Variants in OPRM1 observed in about 807,000 individuals in gnomAD.
OPRM1 encodes the protein opioid receptor mu 1.
A neutral mutation model predicts 31.8 loss-of-function variants in OPRM1; 27 were observed. The observed-to-expected ratio is 0.85, with a 90% confidence interval of 0.63 to 1.17. The LOEUF (loss-of-function observed/expected upper bound fraction) is 1.17, where lower values mean the gene tolerates loss of function less well. Ranked by LOEUF, OPRM1 falls within the 50% of genes most tolerant of loss-of-function variation. The pLI is 0.00. For synonymous variants in OPRM1, 196 were observed against 189.9 expected, an observed-to-expected ratio of 1.03 and a Z score of -0.26; for missense variants, 536 against 511.1, an observed-to-expected ratio of 1.05 and a Z score of -0.47.
In OPRM1 at chr6:154,124,473, A is replaced by G. The variant is rs1797472862; in HGVS notation, c.*5752A>G. ...AATCACAGAAGAAGTTGTTTTCCAT[A>G]GGTGTGGGGTGGGATGTTAGAGCTC... On this transcript the variant is annotated 3_prime_UTR_variant, in exon 4 of 4. Coordinates refer to ENST00000330432, the MANE Select transcript of OPRM1 (RefSeq NM_000914.5). Among the ~76,000 whole-genome samples the G allele has an allele frequency of 1.3e-5, 2 of 152,172 alleles. No individual in the cohort carries two copies. The highest frequency in any genetic ancestry group is 2.9e-5 in the Non-Finnish European group (2 of 68,028).
chr6:154,065,000 G>A (rs1785090984), intron 1 of OPRM1, among the ~76,000 whole-genome samples: 1 of 152,046 alleles, frequency 6.6e-6, no homozygotes. Context: ...ATGAATTTCA[G>A]GATGAATTTG....
intron 1 of OPRM1, among the ~76,000 whole-genome samples, chr6:154,071,389 C>T (rs1786684153): frequency 6.6e-6 from 1 of 152,318 alleles, no homozygotes; most frequent in Admixed American, 6.5e-5. Context: ...CCTAAGTGGC[C>T]TGTACCCATC....
At position 154,118,841 on chromosome 6, in the gene OPRM1, C is replaced by A; in HGVS notation, c.*120C>A. 2 of 1,522,562 alleles carry A rather than the reference C, an allele frequency of 1.3e-6. No homozygotes were observed. Among genetic ancestry groups the A allele is most frequent in the South Asian group, 1.3e-5 (1 of 77,120 alleles). 94.3% of individuals were successfully genotyped at this position (1,522,562 alleles called of 1,614,324 possible). On this transcript the variant is annotated 3_prime_UTR_variant, in exon 4 of 4. Coordinates refer to ENST00000330432, the MANE Select transcript of OPRM1 (RefSeq NM_000914.5). Reference sequence around the variant, plus strand: ...TCTAGGAAAGTGCCTGCTTTTAGGTCATCCAACCTCTTTCCTCTCTGGCCA... The same window carrying A: ...TCTAGGAAAGTGCCTGCTTTTAGGTAATCCAACCTCTTTCCTCTCTGGCCA...
At chr6:154,094,430 A>T (rs1299314712) in intron 3 of OPRM1, 1 of 382,176 alleles carries the variant, frequency 2.6e-6, no homozygotes, top group Non-Finnish European at 5.2e-6. Flanking sequence ...TCATTCCAAA[A>T]TGTAGTGGCT....
chr6:154,208,120 C>T (rs1777653269), intron 3 of OPRM1, among the ~76,000 whole-genome samples: 1 of 152,142 alleles, frequency 6.6e-6, no homozygotes, highest in Non-Finnish European at 1.5e-5. Context: ...TTATATCCCT[C>T]CTCTGCTCAA....
At chr6:154,086,093 C>T (rs913026445) in intron 1 of OPRM1, among the ~76,000 whole-genome samples, 1 of 152,130 alleles carries the variant, frequency 6.6e-6, no homozygotes, top group Admixed American at 6.5e-5. Context: ...TCACCTCAGC[C>T]TCCCAAAGTG....
intron 3 of OPRM1, among the ~76,000 whole-genome samples, chr6:154,167,509 T>C (rs1373499040): frequency 1.3e-5 from 2 of 152,192 alleles, no homozygotes; most frequent in Non-Finnish European, 2.9e-5. Flanking sequence ...TACCCTTGTA[T>C]GAATCAGATG....
intron 3 of OPRM1, among the ~76,000 whole-genome samples, chr6:154,163,944 G>A (rs1007761134): frequency 6.6e-6 from 1 of 152,180 alleles, no homozygotes; most frequent in African/African-American, 2.4e-5. Flanking sequence ...CAGAGGGATT[G>A]TTTATAGAAA....
chr6:154,209,086 A>G (rs185969937), intron 3 of OPRM1, among the ~76,000 whole-genome samples: 50 of 152,348 alleles, frequency 3.3e-4, no homozygotes, highest in African/African-American at 8.9e-4. Flanking sequence ...GCAGAAGTCC[A>G]AACTGGTTTC....
intron 3 of OPRM1, chr6:154,223,361 A>G: frequency 3.9e-6 from 3 of 775,428 alleles, no homozygotes; most frequent in Non-Finnish European, 6.6e-6. Flanking sequence ...ATCAAGAGAT[A>G]CCAACCACCC....
intron 1 of OPRM1, among the ~76,000 whole-genome samples, chr6:154,075,337 G>C (rs17275521): frequency 6.6e-6 from 1 of 151,960 alleles, no homozygotes; most frequent in Admixed American, 6.6e-5. Flanking sequence ...GTGAGCAATA[G>C]GAATGAGACA....
intron 3 of OPRM1, among the ~76,000 whole-genome samples, chr6:154,103,907 A>T (rs527914107): frequency 1.3e-5 from 2 of 151,900 alleles, no homozygotes; most frequent in African/African-American, 2.4e-5. Context: ...TTTTGTGCTG[A>T]CCTCTTATCT....
chr6:154,205,241 G>C (rs1777394905), intron 3 of OPRM1, among the ~76,000 whole-genome samples: 1 of 152,096 alleles, frequency 6.6e-6, no homozygotes, highest in Non-Finnish European at 1.5e-5. Flanking sequence ...ATGCTCAAGG[G>C]AGAAGACACC....
intron 3 of OPRM1, among the ~76,000 whole-genome samples, chr6:154,180,051 T>C (rs1800699068): frequency 6.6e-6 from 1 of 152,152 alleles, no homozygotes; most frequent in Admixed American, 6.6e-5. Context: ...AGAAAGCAAC[T>C]AGAGTTACAA....
exon 4 of OPRM1, chr6:154,246,863 T>A (rs2057415735): frequency 9.2e-6 from 12 of 1,308,010 alleles, no homozygotes; most frequent in Non-Finnish European, 1.2e-5. Flanking sequence ...TTTTAATTGT[T>A]AACCCCCCGG....
chr6:154,135,230 A>G (rs1034009673), downstream of OPRM1, among the ~76,000 whole-genome samples: 16 of 152,220 alleles, frequency 1.1e-4, no homozygotes. Context: ...GCACTTTGGG[A>G]GGCCAAGGCG....
intron 3 of OPRM1, among the ~76,000 whole-genome samples, chr6:154,099,283 G>A (rs539357973): frequency 7.0e-4 from 61 of 86,596 alleles, no homozygotes; most frequent in Non-Finnish European, 1.0e-3. Context: ...AGAGTCTGTC[G>A]AAAGGAAGGA....
intron 1 of OPRM1, among the ~76,000 whole-genome samples, chr6:154,054,367 CAAAAAAAA>C (rs1194794442): frequency 5.7e-5 from 3 of 53,060 alleles, no homozygotes; most frequent in Admixed American, 3.8e-4. Flanking sequence ...GACTCCGTCT[CAAAAAAAA>C]AAAAAAAAAA....
upstream of OPRM1, among the ~76,000 whole-genome samples, chr6:154,035,795 T>C (rs955618673): frequency 6.6e-6 from 1 of 152,096 alleles, no homozygotes; most frequent in African/African-American, 2.4e-5. Context: ...TTGTGAAAAA[T>C]GTTGCATGAT....
Sources: allele counts gnomAD v4.1 joint callset (sites outside exome capture counted in the v4.1 genomes callset), GRCh38; gene constraint gnomAD v4.1.1; transcripts MANE v1.5; gene names NCBI Gene and HGNC (gene_info 2026-07-23, HGNC 2026-07-21).